Variants in POU3F3 observed in about 807,000 individuals in gnomAD.
POU3F3 encodes POU domain, class 3, transcription factor 3.
A neutral mutation model predicts 8.6 loss-of-function variants in POU3F3; 1 was observed. That is an observed-to-expected ratio of 0.12 (90% CI 0.04 to 0.55). The LOEUF is 0.55. Among genes scored for constraint, POU3F3 ranks in the 20% least tolerant of loss-of-function variants. The pLI, the probability that POU3F3 is intolerant of heterozygous loss-of-function variation, is 0.91. For missense variants in POU3F3, 577 were observed against 690.7 expected, an observed-to-expected ratio of 0.84 and a Z score of 1.84; for synonymous variants, 418 against 327.4, an observed-to-expected ratio of 1.28 and a Z score of -2.99.
downstream of POU3F3, among the ~76,000 whole-genome samples, chr2:104,862,586 C>G (rs1375554138): frequency 6.6e-6 from 1 of 152,004 alleles, no homozygotes; most frequent in Non-Finnish European, 1.5e-5. Flanking sequence ...CGGTGGCGGT[C>G]GCGGTGGGGC....
chr2:104,909,206 A>G, the POU3F3 span, among the ~76,000 whole-genome samples: 1 of 152,320 alleles, frequency 6.6e-6, no homozygotes, highest in South Asian at 2.1e-4. Flanking sequence ...AAAATTCCTT[A>G]AGACAATTAC....
In POU3F3 at chr2:104,855,838, G is replaced by A. The variant is rs1203670947; in HGVS notation, c.328G>A (p.Ala110Thr). ...GCCCCACGCCGCCGCCGCCGCCGCC[G>A]CTGCCGCCGCCGCCGCCGTGGAGGC... ...ALPHAAAAAA[A>T]AAAAAVEASS... Residue 110 changes from alanine to threonine, a missense_variant, in exon 1 of 1, where the codon GCT (alanine) becomes ACT (threonine). Ala to Thr is a moderately conservative substitution (Grantham distance 58). Around this residue, in one of 7 missense-constraint regions of POU3F3, gnomAD observed 484 missense variants for 422.6 expected, o/e 1.15. Transcript: ENST00000361360. 1.8e-6 allele frequency: 2 copies of A among 1,105,714 alleles called. No individual in the cohort carries two copies. The highest frequency in any genetic ancestry group is 6.7e-5 in the East Asian group (1 of 14,958). 68.5% of individuals were successfully genotyped at this position (1,105,714 alleles called of 1,614,324 possible). A position where few individuals can be genotyped will look rare whatever the true frequency, so the allele number is the denominator to read the frequency against.
the POU3F3 span, among the ~76,000 whole-genome samples, chr2:104,896,880 C>G: frequency 6.6e-6 from 1 of 152,238 alleles, no homozygotes; most frequent in Non-Finnish European, 1.5e-5. Flanking sequence ...GCTTGGGACA[C>G]CAGGTCAGGC....
chr2:104,872,102 T>C, the POU3F3 span: 2 of 399,504 alleles, frequency 5.0e-6, no homozygotes, highest in South Asian at 3.7e-5. The surrounding 1 kb of genome is among the most constrained non-coding windows in gnomAD (Gnocchi z 4.6). Context: ...TCTTCCTTGC[T>C]CGGGAAACTT....
At chr2:104,911,430 A>AAG in the POU3F3 span, among the ~76,000 whole-genome samples, 1 of 151,794 alleles carries the variant, frequency 6.6e-6, no homozygotes, top group African/African-American at 2.4e-5. Flanking sequence ...AAAAAAAAAA[A>AAG]AAAAGTGCTA....
At chr2:104,906,079 C>A in the POU3F3 span, among the ~76,000 whole-genome samples, 10 of 152,318 alleles carry the variant, frequency 6.6e-5, no homozygotes, top group African/African-American at 2.4e-4. Context: ...TTCCAGTTGG[C>A]AATCATTCCT....
downstream of POU3F3, among the ~76,000 whole-genome samples, chr2:104,862,567 G>C (rs1383026038): frequency 1.3e-5 from 2 of 152,112 alleles, no homozygotes; most frequent in African/African-American, 4.8e-5. Context: ...GCTGGGCGCG[G>C]AGGTGGGGCG....
downstream of POU3F3, among the ~76,000 whole-genome samples, chr2:104,861,843 C>T (rs1277977309): frequency 1.3e-5 from 2 of 152,208 alleles, no homozygotes; most frequent in African/African-American, 4.8e-5. Context: ...GGCTGCTGGT[C>T]TGAGGGCCTG....
In POU3F3 at chr2:104,854,792, G is replaced by A. The variant is rs946139228; in HGVS notation, c.-719G>A. ...CAGCCAGCAGCACCACGCCTTCAAG[G>A]ACGAAAAAGTTTTACTACTCTAAGG... On this transcript the variant is annotated 5_prime_UTR_variant, in exon 1 of 1. Transcript: ENST00000361360. The surrounding 1 kb of genome is among the most constrained non-coding windows in gnomAD (Gnocchi z 4.5). Among the ~76,000 whole-genome samples, 2 of 152,134 alleles carry A rather than the reference G, an allele frequency of 1.3e-5. No individual in the cohort carries two copies. Among genetic ancestry groups the A allele is most frequent in the Non-Finnish European group, 2.9e-5 (2 of 68,024 alleles).
At chr2:104,896,961 C>T in the POU3F3 span, among the ~76,000 whole-genome samples, 1 of 152,224 alleles carries the variant, frequency 6.6e-6, no homozygotes, top group Non-Finnish European at 1.5e-5. Context: ...GTTGGATGCC[C>T]TTTTTCAGGG....
the POU3F3 span, chr2:104,865,570 C>T: frequency 6.6e-6 from 1 of 152,166 alleles, no homozygotes; most frequent in East Asian, 1.9e-4. Context: ...GCAGGACTGC[C>T]TCTCCGCATA....
chr2:104,863,159 AATTATTATTATT>A (rs3056838), downstream of POU3F3, among the ~76,000 whole-genome samples: 3,564 of 134,820 alleles, frequency 0.026, 55 homozygotes, highest in African/African-American at 0.031. Context: ...TCATAATAAC[AATTATTATTATT>A]ATTATTATTA....
At chr2:104,890,231 T>C in the POU3F3 span, among the ~76,000 whole-genome samples, 3 of 152,184 alleles carry the variant, frequency 2.0e-5, no homozygotes, top group Admixed American at 6.5e-5. Context: ...CTGTTCCTGG[T>C]TGGGGACCTG....
the POU3F3 span, among the ~76,000 whole-genome samples, chr2:104,911,392 G>A: frequency 6.7e-6 from 1 of 148,928 alleles, no homozygotes; most frequent in Non-Finnish European, 1.5e-5. Flanking sequence ...TCCAGCCTGG[G>A]CGACAGAGCG....
the POU3F3 span, among the ~76,000 whole-genome samples, chr2:104,906,883 G>T: frequency 6.6e-6 from 1 of 152,150 alleles, no homozygotes; most frequent in Non-Finnish European, 1.5e-5. Flanking sequence ...GTCTATGCAT[G>T]TTTCCCTGTT....
At position 104,857,348 on chromosome 2, in the gene POU3F3, AG is replaced by A. The variant is rs1676590256; in HGVS notation, c.*336del. On this transcript the variant is annotated 3_prime_UTR_variant, in exon 1 of 1. Transcript: ENST00000361360. ...CATATATAACAAACAAAACCGGAAGAGAAAAAGGGGGCGATCATGAGATCTC... is the reference window on the plus strand; with the variant it reads ...CATATATAACAAACAAAACCGGAAGAAAAAAGGGGGCGATCATGAGATCTC... 6.5e-6 allele frequency: 1 copy of A among 154,806 alleles called. No homozygotes were observed. The allele number at this position is 154,806 out of a possible 1,614,324, so 9.6% of individuals were successfully genotyped here.
the POU3F3 span, among the ~76,000 whole-genome samples, chr2:104,885,153 G>A: frequency 6.6e-6 from 1 of 152,200 alleles, no homozygotes; most frequent in African/African-American, 2.4e-5. Flanking sequence ...TGAAAAAAAT[G>A]TCTGTCCAAT....
chr2:104,869,688 G>C, the POU3F3 span, among the ~76,000 whole-genome samples: 160 of 152,332 alleles, frequency 1.1e-3, 1 homozygote, highest in African/African-American at 3.6e-3. Context: ...TCTGACACCA[G>C]AAAGGGGAAC....
chr2:104,861,960 C>T (rs1558705177), downstream of POU3F3, among the ~76,000 whole-genome samples: 2 of 152,126 alleles, frequency 1.3e-5, no homozygotes, highest in East Asian at 1.9e-4. Context: ...AACTTTGCAG[C>T]CTAGGAAAGG....
Sources: gnomAD v4.1 joint callset for allele counts (sites outside exome capture counted in the v4.1 genomes callset) on GRCh38, gnomAD v4.1.1 for gene constraint, gnomAD v4.1.1 regional missense constraint, Gnocchi (gnomAD v3.1) non-coding constraint, MANE v1.5 for transcripts, NCBI Gene and HGNC (gene_info 2026-07-23, HGNC 2026-07-21) for gene names.